ZBTB38: variants seen among roughly 807,000 people sequenced by gnomAD.
ZBTB38 encodes the protein zinc finger and BTB domain containing 38.
Under a neutral mutation model 76.8 loss-of-function variants are expected in ZBTB38, and 20 were observed. The observed-to-expected ratio is 0.26, with a 90% confidence interval of 0.18 to 0.38. The LOEUF is 0.38. Ranked by LOEUF, ZBTB38 falls within the 10% of genes least tolerant of loss-of-function variation. ZBTB38 has a pLI of 1.00. For missense variants in ZBTB38, 1,082 were observed against 1,482.3 expected (o/e 0.73, Z 4.43); for synonymous variants, 504 against 544.2 (o/e 0.93, Z 1.03).
chr3:141,334,842 T>C (rs760329424), intron 1 of ZBTB38, among the ~76,000 whole-genome samples: 1 of 152,218 alleles, frequency 6.6e-6, no homozygotes, highest in Non-Finnish European at 1.5e-5. Flanking sequence ...ACAGGCTGCA[T>C]AAAATTAAAA....
intron 5 of ZBTB38, among the ~76,000 whole-genome samples, chr3:141,438,677 A>G (rs1262957337): frequency 6.6e-6 from 1 of 152,124 alleles, no homozygotes; most frequent in Non-Finnish European, 1.5e-5. Context: ...CTTTCAGCAT[A>G]CTGCAGGCTG....
chr3:141,441,014 C>T (rs1473379254), intron 5 of ZBTB38, among the ~76,000 whole-genome samples: 2 of 123,470 alleles, frequency 1.6e-5, no homozygotes, highest in Non-Finnish European at 3.2e-5. Context: ...AGCCTGGTGA[C>T]AGAGCGAGAC....
Position 141,424,765 on chromosome 3 carries a change from A to G in ZBTB38, c.1-17624A>G, listed in dbSNP as rs1021549873. 5.3e-5 allele frequency among the ~76,000 whole-genome samples: 8 copies of G among 152,088 alleles called. No homozygotes were observed. The South Asian group carries it at 1.5e-3, about 28-fold the overall frequency. On this transcript the variant is annotated intron_variant, in intron 5 of 5. Coordinates refer to ENST00000321464, the MANE Select transcript of ZBTB38 (RefSeq NM_001376113.1). ...CAAGCACTGTGAGGGGGTCTGGGGA[A>G]CTCTGGACACACAGTGAAATAGGAT...
intron 1 of ZBTB38, among the ~76,000 whole-genome samples, chr3:141,352,526 A>C (rs1355698678): frequency 6.6e-6 from 1 of 152,126 alleles, no homozygotes. Flanking sequence ...CAGATGAAGC[A>C]TTTCATAAAG....
intron 4 of ZBTB38, among the ~76,000 whole-genome samples, chr3:141,399,616 A>T (rs1951250927): frequency 6.6e-6 from 1 of 152,164 alleles, no homozygotes; most frequent in African/African-American, 2.4e-5. Context: ...GAAAAAAAGT[A>T]AAACCACGAA....
intron 4 of ZBTB38, among the ~76,000 whole-genome samples, chr3:141,401,808 C>T (rs1292065602): frequency 1.3e-5 from 2 of 152,178 alleles, no homozygotes; most frequent in African/African-American, 4.8e-5. Flanking sequence ...GCGGCCAGGG[C>T]CCTTCATTTA....
chr3:141,410,544 G>C (rs1956284686), intron 5 of ZBTB38, among the ~76,000 whole-genome samples: 1 of 152,214 alleles, frequency 6.6e-6, no homozygotes. Context: ...ATGGCAGTCA[G>C]CAGCAAAGCT....
chr3:141,406,823 C>G (rs763729830), intron 5 of ZBTB38, among the ~76,000 whole-genome samples: 1 of 152,014 alleles, frequency 6.6e-6, no homozygotes, highest in African/African-American at 2.4e-5. Context: ...CATGTCAGAC[C>G]GTGGAAGGTG....
chr3:141,431,355 T>TATATATATATATATATATATATATATA (rs1362541027), intron 5 of ZBTB38, among the ~76,000 whole-genome samples: 6 of 137,930 alleles, frequency 4.4e-5, no homozygotes, highest in African/African-American at 1.8e-4. Context: ...TATATATATA[T>TATATATATATATATATATATATATATA]TTGGGGGGGA....
At chr3:141,336,348 G>C (rs1943016396) in intron 1 of ZBTB38, among the ~76,000 whole-genome samples, 1 of 151,834 alleles carries the variant, frequency 6.6e-6, no homozygotes, top group African/African-American at 2.4e-5. Context: ...CAACTGGCAT[G>C]GTTTTCTATT....
At chr3:141,345,286 G>A (rs1242006477) in intron 1 of ZBTB38, among the ~76,000 whole-genome samples, 1 of 151,578 alleles carries the variant, frequency 6.6e-6, no homozygotes. Flanking sequence ...TTTTTTAATG[G>A]CTTTGGGAGG....
chr3:141,441,037 A>G (rs1252578016), intron 5 of ZBTB38, among the ~76,000 whole-genome samples: 3 of 151,362 alleles, frequency 2.0e-5, no homozygotes, highest in Middle Eastern at 3.4e-3. Context: ...AATCTCAAAA[A>G]AAAAAAAAAA....
chr3:141,389,696 T>G (rs1948258635), intron 4 of ZBTB38: 1 of 152,192 alleles, frequency 6.6e-6, no homozygotes, highest in South Asian at 2.1e-4. Context: ...AAAACACTAC[T>G]GCTAGTCAGA....
chr3:141,431,341 A>AAAAAAAAAAAAAAAAAAAATATAT, intron 5 of ZBTB38, among the ~76,000 whole-genome samples: 1 of 103,286 alleles, frequency 9.7e-6, no homozygotes, highest in East Asian at 3.0e-4. Context: ...AAAAAAAAAA[A>AAAAAAAAAAAAAAAAAAAATATAT]ATATATATAT....
chr3:141,436,241 TG>T (rs1012963623), intron 5 of ZBTB38, among the ~76,000 whole-genome samples: 6 of 152,166 alleles, frequency 3.9e-5, no homozygotes, highest in Non-Finnish European at 8.8e-5. Flanking sequence ...ATTTTCATCC[TG>T]GGGATATCCT....
Position 141,445,010 on chromosome 3 carries a change from T to G in ZBTB38, c.2622T>G (p.Pro874=), listed in dbSNP as rs773503795. 1.2e-6 allele frequency: 2 copies of G among 1,614,124 alleles called. No individual in the cohort carries two copies. The highest frequency in any genetic ancestry group is 4.5e-5 in the East Asian group (2 of 44,882). The change falls in exon 6 of 6, where the codon CCT becomes CCG. Residue 874 remains proline (P), a synonymous_variant. Coordinates refer to ENST00000321464, the MANE Select transcript of ZBTB38 (RefSeq NM_001376113.1). This position sits in a 1 kb window ranked among gnomAD's most constrained non-coding sequence, Gnocchi z 6.5. ...CCAAGTATCAGATGCAGGAGGAGCC[T>G]TTGCCACAGGGGAATGACCCAGAAC... is the stretch of plus-strand genomic sequence containing the variant. The part of the protein sequence containing the change: ...RRPKYQMQEE[P]LPQGNDPEPS...
intron 1 of ZBTB38, among the ~76,000 whole-genome samples, chr3:141,334,580 C>T (rs1042655246): frequency 6.6e-6 from 1 of 151,864 alleles, no homozygotes; most frequent in African/African-American, 2.4e-5. Context: ...CATGGGATGT[C>T]ACCATAAGAG....
chr3:141,436,286 T>C (rs538779016), intron 5 of ZBTB38, among the ~76,000 whole-genome samples: 3 of 152,260 alleles, frequency 2.0e-5, no homozygotes, highest in South Asian at 4.1e-4. Context: ...GTGGGTCCAA[T>C]GTTATTTTAC....
At chr3:141,370,671 T>A (rs1944414700) in intron 2 of ZBTB38, among the ~76,000 whole-genome samples, 5 of 152,244 alleles carry the variant, frequency 3.3e-5, no homozygotes, top group Non-Finnish European at 7.3e-5. Flanking sequence ...AACACCTCTG[T>A]CCATTATGAC....
Sources: gnomAD v4.1 joint callset for allele counts (sites outside exome capture counted in the v4.1 genomes callset) on GRCh38, gnomAD v4.1.1 for gene constraint, Gnocchi (gnomAD v3.1) non-coding constraint, MANE v1.5 for transcripts, NCBI Gene and HGNC (gene_info 2026-07-23, HGNC 2026-07-21) for gene names.